The following CCDC192 variants were observed in gnomAD, a reference collection of about 807,000 sequenced individuals.
The protein encoded by CCDC192 is coiled-coil domain containing 192.
intron 2 of CCDC192, among the ~76,000 whole-genome samples, chr5:127,743,407 T>C (rs1753540637): frequency 6.6e-6 from 1 of 152,212 alleles, no homozygotes; most frequent in Non-Finnish European, 1.5e-5. Context: ...GGAGTAGCCA[T>C]CTATTTCCTG....
intron 6 of CCDC192, among the ~76,000 whole-genome samples, chr5:127,911,699 CTTT>C (rs10718531): frequency 4.1e-4 from 48 of 117,300 alleles, no homozygotes; most frequent in African/African-American, 5.3e-4. Flanking sequence ...CCTTATACCA[CTTT>C]TTTTTTTTTT....
intron 6 of CCDC192, among the ~76,000 whole-genome samples, chr5:127,926,004 T>G (rs73331900): frequency 0.091 from 13,790 of 152,134 alleles, 1,457 homozygotes; most frequent in East Asian, 0.32. Flanking sequence ...AGACTCCAGT[T>G]CAGCCACGTG....
intron 2 of CCDC192, among the ~76,000 whole-genome samples, chr5:127,717,673 G>A (rs1751700971): frequency 6.6e-6 from 1 of 151,890 alleles, no homozygotes; most frequent in South Asian, 2.1e-4. Flanking sequence ...AAGGTCTCCA[G>A]GGAACTCTCT....
chr5:127,923,205 T>C (rs1030225177), intron 6 of CCDC192, among the ~76,000 whole-genome samples: 3 of 152,204 alleles, frequency 2.0e-5, no homozygotes, highest in African/African-American at 7.2e-5. Flanking sequence ...TACACTATTA[T>C]TGAAATTTGG....
At chr5:127,914,423 C>T (rs1398093175) in intron 6 of CCDC192, among the ~76,000 whole-genome samples, 1 of 152,204 alleles carries the variant, frequency 6.6e-6, no homozygotes, top group African/African-American at 2.4e-5. Flanking sequence ...AATATTTACA[C>T]CAATGTATAA....
In CCDC192 at chr5:127,801,996, T is replaced by C. The variant is rs573762897; in HGVS notation, c.411+3834T>C. On this transcript the variant is annotated intron_variant, in intron 5 of 6. Transcript: ENST00000514853. Reference sequence around the variant, plus strand: ...TGGCTGAAGCTCAGCTGTTTGTGACTGGCTGAAACCCAACTATTTGTTACA... The same window carrying C: ...TGGCTGAAGCTCAGCTGTTTGTGACCGGCTGAAACCCAACTATTTGTTACA... Among the ~76,000 whole-genome samples the C allele has an allele frequency of 1.7e-4, 26 of 152,322 alleles. No individual in the cohort carries two copies. In the South Asian group the frequency reaches 5.0e-3, roughly 29 times the overall value.
At chr5:127,924,183 T>C (rs1022140543) in intron 6 of CCDC192, among the ~76,000 whole-genome samples, 2 of 152,252 alleles carry the variant, frequency 1.3e-5, no homozygotes, top group African/African-American at 4.8e-5. Context: ...TTCACCATTT[T>C]TGGCACACTT....
intron 5 of CCDC192, among the ~76,000 whole-genome samples, chr5:127,799,630 C>G (rs1326404788): frequency 1.3e-5 from 2 of 152,170 alleles, no homozygotes; most frequent in African/African-American, 4.8e-5. Context: ...CTTCCAGCAT[C>G]TCTTTGTGAA....
chr5:127,794,872 A>G (rs904709433), intron 3 of CCDC192, among the ~76,000 whole-genome samples: 1 of 152,242 alleles, frequency 6.6e-6, no homozygotes, highest in African/African-American at 2.4e-5. Context: ...AATTCCAGAC[A>G]TAGAGAGGAG....
At chr5:127,794,022 C>T (rs1222997101) in intron 3 of CCDC192, among the ~76,000 whole-genome samples, 1 of 152,152 alleles carries the variant, frequency 6.6e-6, no homozygotes, top group Non-Finnish European at 1.5e-5. Context: ...TCTGAGTATG[C>T]CTGATTTCCT....
intron 2 of CCDC192, among the ~76,000 whole-genome samples, chr5:127,742,836 G>A (rs940551635): frequency 5.9e-5 from 9 of 152,088 alleles, no homozygotes; most frequent in Admixed American, 3.3e-4. Context: ...AATTCACAAT[G>A]TTCTCTTTAA....
At position 127,837,478 on chromosome 5, in the gene CCDC192, G is replaced by A; in HGVS notation, c.412-38060G>A. Among the ~76,000 whole-genome samples, 2 of 52,222 alleles carry A rather than the reference G, an allele frequency of 3.8e-5. 1 individual carries two copies. Among genetic ancestry groups the A allele is most frequent in the Non-Finnish European group, 9.2e-5 (2 of 21,772 alleles). The allele number at this position is 52,222 out of a possible 152,430, so 34.3% of individuals were successfully genotyped here. A position where few individuals can be genotyped will look rare whatever the true frequency, so the allele number is the denominator to read the frequency against. On this transcript the variant is annotated intron_variant, in intron 5 of 6. Coordinates refer to ENST00000514853, the MANE Select transcript of CCDC192 (RefSeq NM_001317938.2). The stretch of plus-strand genomic sequence containing the variant: ...ATCATAAGAATAGCATGGAGGAAAC[G>A]ACTCCCATGATCCAGTCACCTCCCA...
intron 6 of CCDC192, among the ~76,000 whole-genome samples, chr5:127,878,741 A>G (rs1458831618): frequency 2.0e-5 from 3 of 151,702 alleles, no homozygotes; most frequent in African/African-American, 7.3e-5. Context: ...AATTCTGTGA[A>G]GAAAGTCATT....
At chr5:127,740,268 C>T (rs1256047405) in intron 2 of CCDC192, 1 of 152,142 alleles carries the variant, frequency 6.6e-6, no homozygotes, top group Non-Finnish European at 1.5e-5. Flanking sequence ...TTTTGCCATG[C>T]CTCTTAGAAG....
chr5:127,923,033 G>A (rs1753766884), intron 6 of CCDC192, among the ~76,000 whole-genome samples: 2 of 152,198 alleles, frequency 1.3e-5, no homozygotes, highest in Admixed American at 6.5e-5. Context: ...ACTGTAAAGG[G>A]AGAGCAAAGA....
At chr5:127,757,134 A>G (rs951173140) in intron 3 of CCDC192, among the ~76,000 whole-genome samples, 3 of 152,218 alleles carry the variant, frequency 2.0e-5, no homozygotes, top group Admixed American at 6.5e-5. Context: ...TTCTCTACCC[A>G]AGTAGCTCAC....
At chr5:127,703,086 C>G (rs1421151562), upstream of CCDC192, among the ~76,000 whole-genome samples, 1 of 152,206 alleles carries the variant, frequency 6.6e-6, no homozygotes, top group Non-Finnish European at 1.5e-5. Flanking sequence ...GTGTGCACCC[C>G]TCTCAGACAG....
intron 6 of CCDC192, among the ~76,000 whole-genome samples, chr5:127,922,657 C>G (rs1334368563): frequency 1.3e-5 from 2 of 152,224 alleles, no homozygotes; most frequent in Admixed American, 6.5e-5. Flanking sequence ...ACGAGGATCA[C>G]TTGAGCCCAG....
At chr5:127,865,754 C>T (rs1561530219) in intron 5 of CCDC192, among the ~76,000 whole-genome samples, 3 of 151,324 alleles carry the variant, frequency 2.0e-5, no homozygotes, top group South Asian at 4.2e-4. Flanking sequence ...CCCAAAGTGA[C>T]CTTGTCTTGT....
Sources: allele counts gnomAD v4.1 joint callset (sites outside exome capture counted in the v4.1 genomes callset), GRCh38; gene constraint gnomAD v4.1.1; transcripts MANE v1.5; gene names NCBI Gene and HGNC (gene_info 2026-07-23, HGNC 2026-07-21).